The following NECAB1 variants were observed in gnomAD, a reference collection of about 807,000 sequenced individuals.
The protein encoded by NECAB1 is N-terminal EF-hand calcium binding protein 1, also known as N-terminal EF-hand calcium-binding protein 1.
Under a neutral mutation model 57.5 loss-of-function variants are expected in NECAB1, and 29 were observed. The ratio of observed to expected loss-of-function variants is 0.50; its 90% CI spans 0.38 to 0.69. The LOEUF (loss-of-function observed/expected upper bound fraction) is 0.69. Among genes scored for constraint, NECAB1 ranks in the 30% least tolerant of loss-of-function variants. The pLI, the probability that NECAB1 is intolerant of heterozygous loss-of-function variation, is 0.00. For synonymous variants in NECAB1, 142 were observed against 147.7 expected (o/e 0.96, Z 0.28); for missense variants, 372 against 413.8 (o/e 0.90, Z 0.88).
At chr8:90,819,698 G>A (rs1489826159) in intron 2 of NECAB1, among the ~76,000 whole-genome samples, 1 of 151,800 alleles carries the variant, frequency 6.6e-6, no homozygotes, top group Non-Finnish European at 1.5e-5. Flanking sequence ...CTTTTTGTGG[G>A]CGTGTGTGCC....
chr8:90,940,495 A>G (rs1810643160), intron 9 of NECAB1: 1 of 292,096 alleles, frequency 3.4e-6, no homozygotes, highest in Non-Finnish European at 6.6e-6. Flanking sequence ...ATTTTGATAT[A>G]AAGATAATTT....
intron 7 of NECAB1, among the ~76,000 whole-genome samples, chr8:90,926,743 A>G (rs927181545): frequency 1.3e-5 from 2 of 152,186 alleles, no homozygotes; most frequent in African/African-American, 2.4e-5. Context: ...CCAAAATTAT[A>G]CATGCATATT....
At chr8:90,802,181 C>T (rs746521689) in intron 2 of NECAB1, among the ~76,000 whole-genome samples, 2 of 152,192 alleles carry the variant, frequency 1.3e-5, no homozygotes, top group Non-Finnish European at 2.9e-5. Flanking sequence ...TTACTGTACT[C>T]CAAGAGGTCT....
At position 90,917,964 on chromosome 8, in the gene NECAB1, ATG is replaced by A. The variant is rs1378113592; in HGVS notation, c.494+348_494+349del. ...TGTGTATATATATACACACACACAT[ATG>A]TGTGTGTGTGTATATATATACATAT... On this transcript the variant is annotated intron_variant, in intron 6 of 12. Coordinates refer to ENST00000417640, the MANE Select transcript of NECAB1 (RefSeq NM_022351.5). Among the ~76,000 whole-genome samples the A allele has an allele frequency of 1.7e-3, 68 of 38,952 alleles. 1 individual carries two copies. In the African/African-American group the frequency reaches 0.028, roughly 16 times the overall value. The allele number at this position is 38,952 out of a possible 152,430, so 25.6% of individuals were successfully genotyped here.
At chr8:90,846,450 G>C (rs1043799413) in intron 3 of NECAB1, among the ~76,000 whole-genome samples, 5 of 152,196 alleles carry the variant, frequency 3.3e-5, no homozygotes, top group Non-Finnish European at 7.3e-5. Flanking sequence ...TATGAACTTT[G>C]CTTGATCTCT....
chr8:90,887,142 T>G (rs560944275), intron 5 of NECAB1, among the ~76,000 whole-genome samples: 7 of 152,298 alleles, frequency 4.6e-5, no homozygotes, highest in African/African-American at 1.7e-4. Flanking sequence ...ATATTACAGC[T>G]TGAACATCGA....
chr8:90,897,037 T>C (rs1177989800), intron 5 of NECAB1, among the ~76,000 whole-genome samples: 1 of 151,788 alleles, frequency 6.6e-6, no homozygotes, highest in East Asian at 1.9e-4. Context: ...GTTCCTTCTA[T>C]ATAGAAGTAC....
chr8:90,803,522 A>C (rs1811796593), intron 2 of NECAB1, among the ~76,000 whole-genome samples: 1 of 152,178 alleles, frequency 6.6e-6, no homozygotes, highest in South Asian at 2.1e-4. Context: ...CAGAACAAAA[A>C]GCACTGAACA....
In NECAB1 at chr8:90,951,148, G is replaced by C; in HGVS notation, c.974G>C (p.Arg325Thr). The C allele has an allele frequency of 6.2e-7, 1 of 1,601,606 alleles. No individual in the cohort carries two copies. The highest frequency in any genetic ancestry group is 8.5e-7 in the Non-Finnish European group (1 of 1,173,756). ...ACAAATTATAGCAAGACATTCCAAA[G>C]AAGTAATGTGGATTTCTTGGAAACT... ...LQTNYSKTFQ[R>T]SNVDFLETPE... Residue 325 changes from arginine to threonine, a missense_variant, in exon 12 of 13, where the codon AGA becomes ACA. By Grantham distance (71) the Arg-to-Thr change is moderately conservative. Transcript: ENST00000417640.
intron 3 of NECAB1, among the ~76,000 whole-genome samples, chr8:90,869,966 C>G (rs943994189): frequency 6.6e-6 from 1 of 152,088 alleles, no homozygotes; most frequent in African/African-American, 2.4e-5. Context: ...CCTGGTGGGA[C>G]GTGATTGGGT....
At chr8:90,810,151 A>C (rs1449697922) in intron 2 of NECAB1, among the ~76,000 whole-genome samples, 1 of 152,194 alleles carries the variant, frequency 6.6e-6, no homozygotes, top group Admixed American at 6.5e-5. Context: ...GCTGTGGCTC[A>C]TCTCTGTAGC....
At chr8:90,833,966 C>A (rs1419107265) in intron 3 of NECAB1, among the ~76,000 whole-genome samples, 1 of 151,878 alleles carries the variant, frequency 6.6e-6, no homozygotes, top group African/African-American at 2.4e-5. Context: ...AGTTCGAGAC[C>A]AGCCTGGCCA....
intron 3 of NECAB1, among the ~76,000 whole-genome samples, chr8:90,868,903 G>A (rs1808567508): frequency 6.6e-6 from 1 of 152,212 alleles, no homozygotes; most frequent in African/African-American, 2.4e-5. Context: ...AGAGACCTTT[G>A]TGGCAGCCCC....
intron 3 of NECAB1, among the ~76,000 whole-genome samples, chr8:90,846,528 C>G (rs1337140668): frequency 6.6e-6 from 1 of 152,172 alleles, no homozygotes; most frequent in Non-Finnish European, 1.5e-5. Context: ...TTAGAGTTTT[C>G]TTATTGTAAG....
At chr8:90,898,912 T>A (rs1347594326) in intron 5 of NECAB1, among the ~76,000 whole-genome samples, 1 of 152,210 alleles carries the variant, frequency 6.6e-6, no homozygotes, top group Non-Finnish European at 1.5e-5. Flanking sequence ...GAATACTGTG[T>A]CTGCTCAAAT....
intron 10 of NECAB1, among the ~76,000 whole-genome samples, chr8:90,944,356 C>T (rs1303403635): frequency 6.6e-6 from 1 of 152,052 alleles, no homozygotes; most frequent in Non-Finnish European, 1.5e-5. Context: ...TGGGGAGTTA[C>T]AGAGGTTTTG....
At chr8:90,799,192 A>G (rs915525210) in intron 1 of NECAB1, among the ~76,000 whole-genome samples, 4 of 152,106 alleles carry the variant, frequency 2.6e-5, no homozygotes, top group South Asian at 2.1e-4. Context: ...GATTCTGTAT[A>G]TTAGTAATAT....
chr8:90,896,549 G>A (rs1262915762), intron 5 of NECAB1, among the ~76,000 whole-genome samples: 1 of 151,738 alleles, frequency 6.6e-6, no homozygotes, highest in Non-Finnish European at 1.5e-5. Context: ...AGCTTGCAGT[G>A]AACCGAGATC....
intron 4 of NECAB1, among the ~76,000 whole-genome samples, chr8:90,879,788 G>A (rs756783572): frequency 8.5e-5 from 13 of 152,140 alleles, no homozygotes; most frequent in African/African-American, 3.1e-4. Context: ...TTTGAAGCAG[G>A]TATTTAAGGA....
Sources: gnomAD v4.1 joint callset for allele counts (sites outside exome capture counted in the v4.1 genomes callset) on GRCh38, gnomAD v4.1.1 for gene constraint, MANE v1.5 for transcripts, NCBI Gene and HGNC (gene_info 2026-07-23, HGNC 2026-07-21) for gene names.